FGF2: variants seen among roughly 807,000 people sequenced by gnomAD.
FGF2 encodes the protein fibroblast growth factor 2.
A neutral mutation model predicts 15.9 loss-of-function variants in FGF2; 13 were observed. The ratio of observed to expected loss-of-function variants is 0.82; its 90% CI spans 0.53 to 1.30. The LOEUF (loss-of-function observed/expected upper bound fraction) is 1.30. Among genes scored for constraint, FGF2 ranks in the 50% most tolerant of loss-of-function variants. The pLI, the probability that FGF2 is intolerant of heterozygous loss-of-function variation, is 0.00. For missense variants in FGF2, 163 were observed against 196.9 expected, an observed-to-expected ratio of 0.83 and a Z score of 1.03; for synonymous variants, 90 against 78.4, an observed-to-expected ratio of 1.15 and a Z score of -0.78.
chr4:122,891,775 G>A (rs1727195898), intron 2 of FGF2, among the ~76,000 whole-genome samples: 1 of 152,126 alleles, frequency 6.6e-6, no homozygotes, highest in Admixed American at 6.5e-5. Flanking sequence ...TGCTGCTTCT[G>A]ATAAAAGTAA....
At chr4:122,855,738 A>G (rs927330541) in intron 1 of FGF2, among the ~76,000 whole-genome samples, 5 of 152,290 alleles carry the variant, frequency 3.3e-5, no homozygotes, top group Middle Eastern at 3.4e-3. Flanking sequence ...CAGGTGACCA[A>G]ATGTTCTGGG....
chr4:122,885,777 T>C (rs889843979), intron 2 of FGF2, among the ~76,000 whole-genome samples: 1 of 152,094 alleles, frequency 6.6e-6, no homozygotes, highest in African/African-American at 2.4e-5. Flanking sequence ...CCATATTTAG[T>C]CATCATGTCT....
At chr4:122,878,254 G>T (rs1316768429) in intron 2 of FGF2, among the ~76,000 whole-genome samples, 1 of 152,178 alleles carries the variant, frequency 6.6e-6, no homozygotes, top group Non-Finnish European at 1.5e-5. Context: ...TATAGAAAAT[G>T]AGGTAATTAC....
intron 1 of FGF2, among the ~76,000 whole-genome samples, chr4:122,871,386 G>C (rs915557900): frequency 6.6e-6 from 1 of 151,912 alleles, no homozygotes; most frequent in Non-Finnish European, 1.5e-5. Context: ...TTAATTTTCT[G>C]TCTCATTGAT....
chr4:122,892,127 A>G (rs1727203714), intron 2 of FGF2, 84 bp from the exon 3 acceptor site: 1 of 1,209,250 alleles, frequency 8.3e-7, no homozygotes, highest in Admixed American at 1.9e-5. Flanking sequence ...CAGAATAGGC[A>G]TTATACTATC....
At position 122,895,535 on chromosome 4, in the gene FGF2, C is replaced by T. The variant is rs1167241389; in HGVS notation, c.*3139C>T. 1 of 152,306 alleles carries T rather than the reference C, an allele frequency of 6.6e-6. No individual in the cohort carries two copies. The highest frequency in any genetic ancestry group is 1.5e-5 in the Non-Finnish European group (1 of 68,028). 9.4% of individuals were successfully genotyped at this position (152,306 alleles called of 1,614,324 possible). On this transcript the variant is annotated 3_prime_UTR_variant, in exon 3 of 3. Coordinates refer to ENST00000644866, the MANE Select transcript of FGF2 (RefSeq NM_001361665.2). ...TGCACTGATGATCTCTGATAAGGCT[C>T]AGCTGCTTTATAGTTCTCTGGCTAA...
intron 1 of FGF2, among the ~76,000 whole-genome samples, chr4:122,849,211 A>G (rs1726177021): frequency 6.6e-6 from 1 of 152,228 alleles, no homozygotes; most frequent in Non-Finnish European, 1.5e-5. Context: ...CAAAGTGCCC[A>G]TCAATGATAG....
chr4:122,828,488 C>G (rs982382988), intron 1 of FGF2, among the ~76,000 whole-genome samples: 1 of 152,154 alleles, frequency 6.6e-6, no homozygotes, highest in African/African-American at 2.4e-5. Flanking sequence ...CTGATTCTCT[C>G]ATTGCCTGAG....
chr4:122,873,917 T>A (rs2150782874), intron 1 of FGF2, among the ~76,000 whole-genome samples: 1 of 152,324 alleles, frequency 6.6e-6, no homozygotes, highest in African/African-American at 2.4e-5. Context: ...GTGGGAATAG[T>A]TGAGGTCTAC....
intron 1 of FGF2, among the ~76,000 whole-genome samples, chr4:122,830,026 A>G (rs1002463883): frequency 2.6e-5 from 4 of 152,188 alleles, no homozygotes; most frequent in South Asian, 4.1e-4. Context: ...TGAAAAATCT[A>G]TGGTCTCATT....
intron 2 of FGF2, among the ~76,000 whole-genome samples, chr4:122,887,728 A>G (rs1056048137): frequency 6.6e-6 from 1 of 152,232 alleles, no homozygotes; most frequent in Non-Finnish European, 1.5e-5. Flanking sequence ...TTATAGAACC[A>G]TAAACTAAGC....
intron 1 of FGF2, among the ~76,000 whole-genome samples, chr4:122,859,701 A>G (rs1320666628): frequency 2.6e-5 from 4 of 152,012 alleles, no homozygotes; most frequent in Non-Finnish European, 4.4e-5. Context: ...ACTGTTTCCC[A>G]TCGTACAGGT....
intron 1 of FGF2, among the ~76,000 whole-genome samples, chr4:122,862,714 C>G (rs1204723216): frequency 6.6e-6 from 1 of 152,178 alleles, no homozygotes; most frequent in African/African-American, 2.4e-5. Context: ...TAAGTGACCA[C>G]TAAGATTTTG....
chr4:122,855,543 A>G (rs1242538498), intron 1 of FGF2, among the ~76,000 whole-genome samples: 1 of 152,206 alleles, frequency 6.6e-6, no homozygotes, highest in East Asian at 1.9e-4. Context: ...TGACTTCCTC[A>G]AAGGCCTGTC....
rs1727421667 is a variant in FGF2 at position 122,898,109 on chromosome 4, G to A, written c.*5713G>A. On this transcript the variant is annotated 3_prime_UTR_variant, in exon 3 of 3. Transcript: ENST00000644866. ...TATTTTAAAATCTATTTCCTATATT[G>A]TATTTCTAATCAGATGTATTACTCT... The A allele has an allele frequency of 6.3e-6, 1 of 158,860 alleles. No homozygotes were observed. The highest frequency in any genetic ancestry group is 2.4e-5 in the African/African-American group (1 of 41,454). The allele number at this position is 158,860 out of a possible 1,614,324, so 9.8% of individuals were successfully genotyped here. A position where few individuals can be genotyped will look rare whatever the true frequency, so the allele number is the denominator to read the frequency against.
intron 1 of FGF2, among the ~76,000 whole-genome samples, chr4:122,875,301 A>T (rs145347173): frequency 1.1e-4 from 17 of 152,042 alleles, no homozygotes; most frequent in African/African-American, 3.6e-4. Context: ...GTGGTGTGAC[A>T]AGTCATCTTT....
chr4:122,880,039 A>G (rs1246999471), intron 2 of FGF2, among the ~76,000 whole-genome samples: 1 of 152,150 alleles, frequency 6.6e-6, no homozygotes, highest in African/African-American at 2.4e-5. Context: ...CATTAACTCA[A>G]AAGTCCACAG....
At chr4:122,862,682 T>C (rs1726496375) in intron 1 of FGF2, among the ~76,000 whole-genome samples, 1 of 152,228 alleles carries the variant, frequency 6.6e-6, no homozygotes, top group African/African-American at 2.4e-5. Context: ...TGATTTAAGA[T>C]ATAATTGTGT....
chr4:122,892,631 C>A lies in FGF2; in HGVS notation c.*235C>A. The A allele has an allele frequency of 7.0e-7, 1 of 1,424,912 alleles. No homozygotes were observed. Among genetic ancestry groups the A allele is most frequent in the Non-Finnish European group, 9.2e-7 (1 of 1,091,452 alleles). 88.3% of individuals were successfully genotyped at this position (1,424,912 alleles called of 1,614,324 possible). A position where few individuals can be genotyped will look rare whatever the true frequency, so the allele number is the denominator to read the frequency against. ...ATCTGCTGTTACCCAGTGAAGCTTA[C>A]CTAGAGCAATGATCTTTTTCACGCA... On this transcript the variant is annotated 3_prime_UTR_variant, in exon 3 of 3. Coordinates refer to ENST00000644866, the MANE Select transcript of FGF2 (RefSeq NM_001361665.2).
Sources: allele counts gnomAD v4.1 joint callset (sites outside exome capture counted in the v4.1 genomes callset), GRCh38; gene constraint gnomAD v4.1.1; transcripts MANE v1.5; gene names NCBI Gene and HGNC (gene_info 2026-07-23, HGNC 2026-07-21).